The following MTMR3 variants were observed in gnomAD, a reference collection of about 807,000 sequenced individuals.
The protein encoded by MTMR3 is phosphatidylinositol-3,5-bisphosphate 3-phosphatase MTMR3.
A neutral mutation model predicts 132.4 loss-of-function variants in MTMR3; 32 were observed. The observed-to-expected ratio is 0.24, with a 90% CI of 0.18 to 0.32. MTMR3 has a LOEUF of 0.32. Ranked by LOEUF, MTMR3 falls within the 10% of genes least tolerant of loss-of-function variation. The pLI, the probability that MTMR3 is intolerant of heterozygous loss-of-function variation, is 1.00. For missense variants in MTMR3, 1,216 were observed against 1,489.6 expected (o/e 0.82, Z 3.02); for synonymous variants, 556 against 550.3 (o/e 1.01, Z -0.14).
chr22:29,949,127 ACACACACACACACACACCCCCC>A lies in MTMR3; in HGVS notation c.-137-7907_-137-7886del, dbSNP rs1569019545. On this transcript the variant is annotated intron_variant, in intron 1 of 19. Coordinates refer to ENST00000401950, the MANE Select transcript of MTMR3 (RefSeq NM_021090.4). ...CACACACACACACACACACACACAC[ACACACACACACACACACCCCCC>A]CCCCCCCCCCCGAGGCCCTGTCTTA... 4.9e-4 allele frequency among the ~76,000 whole-genome samples: 15 copies of A among 30,730 alleles called. 2 individuals are homozygous for A. Among genetic ancestry groups the A allele is most frequent in the African/African-American group, 2.0e-3 (10 of 4,902 alleles). 20.2% of individuals were successfully genotyped at this position (30,730 alleles called of 152,430 possible). A position where few individuals can be genotyped will look rare whatever the true frequency, so the allele number is the denominator to read the frequency against.
rs57853762 is a variant in MTMR3, at chr22:29,967,917, CTGTGTGTGTGTGTG to C, written c.-84-3043_-84-3030del. On this transcript the variant is annotated intron_variant, in intron 2 of 19. Coordinates refer to ENST00000401950, the MANE Select transcript of MTMR3 (RefSeq NM_021090.4). Reference sequence around the variant, plus strand: ...TTGCTGGATAACTCCATTATATATACTGTGTGTGTGTGTGTGTGTGTGTGTGTGTATTTTTTGTT... The same window carrying C: ...TTGCTGGATAACTCCATTATATATACTGTGTGTGTGTGTGTATTTTTTGTT... 1.8e-4 allele frequency among the ~76,000 whole-genome samples: 27 copies of C among 148,454 alleles called. No individual in the cohort carries two copies. In the East Asian group the frequency reaches 5.2e-3, roughly 29 times the overall value.
intron 1 of MTMR3, among the ~76,000 whole-genome samples, chr22:29,884,865 G>C (rs1360716136): frequency 6.6e-6 from 1 of 152,170 alleles, no homozygotes; most frequent in Non-Finnish European, 1.5e-5. Flanking sequence ...CCGCCAGCCA[G>C]AATGACACTG....
intron 19 of MTMR3, 102 bp downstream of exon 19, chr22:30,022,799 C>A: frequency 1.9e-6 from 2 of 1,051,802 alleles, no homozygotes; most frequent in Non-Finnish European, 2.8e-6. Flanking sequence ...AGTGTTCTGT[C>A]TGAGGCAGAG....
intron 6 of MTMR3, chr22:29,989,678 G>T (rs1284347345): frequency 6.6e-6 from 1 of 152,134 alleles, no homozygotes; most frequent in East Asian, 1.9e-4. Flanking sequence ...CTGGAATACT[G>T]TATATATGAT....
intron 7 of MTMR3, chr22:29,993,257 A>G (rs1411216549): frequency 6.6e-6 from 1 of 151,864 alleles, no homozygotes; most frequent in East Asian, 1.9e-4. Flanking sequence ...TGTTACATCT[A>G]TTTTTTTTCT....
intron 1 of MTMR3, among the ~76,000 whole-genome samples, chr22:29,894,453 T>C (rs1292908278): frequency 6.6e-6 from 1 of 152,186 alleles, no homozygotes; most frequent in South Asian, 2.1e-4. Context: ...AATCAGTTTC[T>C]ATGCACTCTG....
At chr22:29,966,541 A>G (rs1276790562) in intron 2 of MTMR3, among the ~76,000 whole-genome samples, 7 of 152,170 alleles carry the variant, frequency 4.6e-5, no homozygotes, top group African/African-American at 1.7e-4. Flanking sequence ...GTAAAATAGT[A>G]TTATCAAATT....
intron 1 of MTMR3, among the ~76,000 whole-genome samples, chr22:29,904,820 TTGTG>T (rs58144404): frequency 0.037 from 5,606 of 150,740 alleles, 362 homozygotes; most frequent in African/African-American, 0.13. Flanking sequence ...TGTGTGTGTG[TTGTG>T]TGTGTGTGTG....
At chr22:29,950,430 C>T (rs544605554) in intron 1 of MTMR3, among the ~76,000 whole-genome samples, 1 of 151,698 alleles carries the variant, frequency 6.6e-6, no homozygotes, top group East Asian at 1.9e-4. Flanking sequence ...GTGGCGTGAT[C>T]TCAGCTCACT....
intron 1 of MTMR3, among the ~76,000 whole-genome samples, 189 bp from the exon 2 acceptor site, chr22:29,956,847 G>A (rs2066202571): frequency 6.6e-6 from 1 of 152,076 alleles, no homozygotes; most frequent in Non-Finnish European, 1.5e-5. Context: ...GCTTGACTGG[G>A]TCTGTTCTGT....
At chr22:29,967,233 GCA>G (rs1222401079) in intron 2 of MTMR3, among the ~76,000 whole-genome samples, 32 of 101,026 alleles carry the variant, frequency 3.2e-4, no homozygotes, top group African/African-American at 8.1e-4. Context: ...GTGTGTGTGT[GCA>G]TGCGCGCGCG....
Position 30,029,965 on chromosome 22 carries a change from T to TAA in MTMR3, c.*4166_*4167dup, listed in dbSNP as rs564457687. On this transcript the variant is annotated 3_prime_UTR_variant, in exon 20 of 20. Transcript: ENST00000401950. ...CTGACCCCTCTAAGCCTCTGACACT[T>TAA]AAACACGAGTCCTGCTGTCCCCAGC... 2.0e-5 allele frequency: 3 copies of TAA among 152,306 alleles called. No individual in the cohort carries two copies. Among genetic ancestry groups the TAA allele is most frequent in the Non-Finnish European group, 4.4e-5 (3 of 68,042 alleles). 9.4% of individuals were successfully genotyped at this position (152,306 alleles called of 1,614,324 possible). A position where few individuals can be genotyped will look rare whatever the true frequency, so the allele number is the denominator to read the frequency against.
chr22:29,959,696 T>C (rs960242236), intron 2 of MTMR3, among the ~76,000 whole-genome samples: 2 of 152,140 alleles, frequency 1.3e-5, no homozygotes, highest in African/African-American at 4.8e-5. Context: ...AGTAACATAT[T>C]ACTTGGCTCT....
intron 1 of MTMR3, among the ~76,000 whole-genome samples, chr22:29,909,832 C>T (rs2065173253): frequency 6.6e-6 from 1 of 152,140 alleles, no homozygotes; most frequent in Non-Finnish European, 1.5e-5. Context: ...TTTCTTGCCT[C>T]AGATCGAGCT....
chr22:30,002,723 C>T lies in MTMR3; in HGVS notation c.558-157C>T, dbSNP rs1354289967. 3 of 576,778 alleles carry T rather than the reference C, an allele frequency of 5.2e-6. No homozygotes were observed. In the African/African-American group the frequency reaches 5.6e-5, roughly 11 times the overall value. The allele number at this position is 576,778 out of a possible 1,614,324, so 35.7% of individuals were successfully genotyped here. A position where few individuals can be genotyped will look rare whatever the true frequency, so the allele number is the denominator to read the frequency against. On this transcript the variant is annotated intron_variant, in intron 8 of 19. Coordinates refer to ENST00000401950, the MANE Select transcript of MTMR3 (RefSeq NM_021090.4). Reference sequence around the variant, plus strand: ...ATGGTAACCCATTCTGTTGAGGAGTCCAAAACTCGAATAAAGCGCCTCATT... The same window carrying T: ...ATGGTAACCCATTCTGTTGAGGAGTTCAAAACTCGAATAAAGCGCCTCATT...
intron 14 of MTMR3, 67 bp downstream of exon 14, chr22:30,013,608 G>C (rs1411442069): frequency 1.4e-6 from 2 of 1,452,718 alleles, no homozygotes; most frequent in Non-Finnish European, 1.9e-6. Flanking sequence ...TAGTGGGCCA[G>C]TTCTCACATG....
chr22:29,970,966 C>A lies in MTMR3; in HGVS notation c.-84-10C>A. ...TTTTTCTTCTTCCCCCTCTTCCCCC[C>A]CACCCCCAGACTTCACCATAAGGGA... On this transcript the variant is annotated splice_polypyrimidine_tract_variant and intron_variant, in intron 2 of 19. Transcript: ENST00000401950. The A allele has an allele frequency of 2.1e-6, 2 of 965,070 alleles. No individual in the cohort carries two copies. The highest frequency in any genetic ancestry group is 3.0e-5 in the Admixed American group (1 of 33,784). The allele number at this position is 965,070 out of a possible 1,614,324, so 59.8% of individuals were successfully genotyped here. A position where few individuals can be genotyped will look rare whatever the true frequency, so the allele number is the denominator to read the frequency against.
intron 2 of MTMR3, among the ~76,000 whole-genome samples, chr22:29,968,272 T>C (rs5763651): frequency 0.35 from 53,511 of 152,066 alleles, 10,416 homozygotes; most frequent in East Asian, 0.72. Context: ...ACTGGAGTTA[T>C]ATTTTGTTAT....
chr22:30,006,795 A>T, intron 9 of MTMR3: 1 of 301,408 alleles, frequency 3.3e-6, no homozygotes, highest in East Asian at 8.8e-5. Context: ...TCCTGGGCTC[A>T]AGTGATCCTC....
Sources: gnomAD v4.1 joint callset for allele counts (sites outside exome capture counted in the v4.1 genomes callset) on GRCh38, gnomAD v4.1.1 for gene constraint, MANE v1.5 for transcripts, NCBI Gene and HGNC (gene_info 2026-07-23, HGNC 2026-07-21) for gene names.